Variants in SF1 observed in about 807,000 individuals in gnomAD.
The protein encoded by SF1 is branch point-binding protein.
In SF1, 7 loss-of-function variants were observed where a neutral mutation model predicts 62.5. The observed-to-expected ratio is 0.11, with a 90% CI of 0.06 to 0.21. The LOEUF (loss-of-function observed/expected upper bound fraction) is 0.21. Ranked by LOEUF, SF1 falls within the 10% of genes least tolerant of loss-of-function variation. The pLI, the probability that SF1 is intolerant of heterozygous loss-of-function variation, is 1.00. For missense variants in SF1, 578 were observed against 884.0 expected (o/e 0.65, Z 4.39); for synonymous variants, 394 against 323.6 (o/e 1.22, Z -2.33).
chr11:64,772,490 G>A (rs563527098), intron 3 of SF1: 11 of 984,818 alleles, frequency 1.1e-5, no homozygotes, highest in Non-Finnish European at 1.3e-5. Flanking sequence ...AGATGCATGA[G>A]TGAGTGACTT....
At chr11:64,767,521 C>T in intron 10 of SF1, 50 bp downstream of exon 10, 1 of 1,506,062 alleles carries the variant, frequency 6.6e-7, no homozygotes. Flanking sequence ...CTGACGTAAC[C>T]CCTTGCTTAT....
chr11:64,774,479 T>G (rs1478542724), intron 2 of SF1, among the ~76,000 whole-genome samples: 1 of 152,166 alleles, frequency 6.6e-6, no homozygotes, highest in African/African-American at 2.4e-5. Flanking sequence ...CTTCGCAGCA[T>G]CTGAGAATTT....
chr11:64,765,770 G>A lies in SF1; in HGVS notation c.*48C>T, dbSNP rs1215491090. 1.2e-5 allele frequency: 18 copies of A among 1,492,652 alleles called. No homozygotes were observed. In the Admixed American group the frequency reaches 1.2e-4, roughly 10 times the overall value. The allele number at this position is 1,492,652 out of a possible 1,614,324, so 92.5% of individuals were successfully genotyped here. On this transcript the variant is annotated 3_prime_UTR_variant, in exon 13 of 13. Transcript: ENST00000377390. ...ATGGTGAGGTTCGGCGTGTTTAAAC[G>A]AGACCAATTCTCTCTATATATAATA...
Position 64,767,151 on chromosome 11 carries a change from C to CA in SF1, c.1402+40dup, listed in dbSNP as rs778028482. ...ACTTGGGCCAGAACCCCCACTCACC[C>CA]AAGCCTAGGTGAAGACCCACAGCCA... On this transcript the variant is annotated intron_variant, in intron 11 of 12. Transcript: ENST00000377390. The CA allele has an allele frequency of 9.9e-6, 16 of 1,612,442 alleles. No individual in the cohort carries two copies. The East Asian group carries it at 3.3e-4, about 34-fold the overall frequency.
intron 2 of SF1, among the ~76,000 whole-genome samples, chr11:64,773,754 G>C (rs1333649458): frequency 6.6e-6 from 1 of 152,128 alleles, no homozygotes; most frequent in Admixed American, 6.6e-5. Flanking sequence ...AGAGGGGTTA[G>C]CAATAAAGAC....
At chr11:64,766,191 G>A (rs1305272557) in intron 12 of SF1, 36 bp from the exon 13 acceptor site, 4 of 1,578,606 alleles carry the variant, frequency 2.5e-6, no homozygotes, top group Admixed American at 1.7e-5. Context: ...CACACGCGCG[G>A]GGGCACACCG....
chr11:64,776,011 A>G lies in SF1; in HGVS notation c.160+487T>C, dbSNP rs1939165617. ...ATAAAAAGGGGTAAATTGTAAACACACTTTCAGAACCACTTTTTGTCATTT... is the reference window on the plus strand; with the variant it reads ...ATAAAAAGGGGTAAATTGTAAACACGCTTTCAGAACCACTTTTTGTCATTT... On this transcript the variant is annotated intron_variant, in intron 2 of 12. Transcript: ENST00000377390. 5 of 144,604 alleles carry G rather than the reference A, an allele frequency of 3.5e-5. No individual in the cohort carries two copies. The Admixed American group carries it at 3.6e-4, about 10-fold the overall frequency. The allele number at this position is 144,604 out of a possible 1,614,324, so 9.0% of individuals were successfully genotyped here.
intron 1 of SF1, among the ~76,000 whole-genome samples, chr11:64,776,992 T>C (rs1427154920): frequency 6.6e-6 from 1 of 152,152 alleles, no homozygotes; most frequent in African/African-American, 2.4e-5. Context: ...CACTGAAGAA[T>C]CATAGATTTG....
chr11:64,766,613 C>T (rs2058689663), intron 12 of SF1: 1 of 420,804 alleles, frequency 2.4e-6, no homozygotes, highest in Non-Finnish European at 4.2e-6. Flanking sequence ...TCCAGCCAGC[C>T]GCTCACTCAG....
At position 64,769,014 on chromosome 11, in the gene SF1, C is replaced by T. The variant is rs1234010380; in HGVS notation, c.887+8G>A. On this transcript the variant is annotated splice_region_variant and intron_variant, in intron 8 of 12. Coordinates refer to ENST00000377390, the MANE Select transcript of SF1 (RefSeq NM_004630.4). Reference sequence around the variant, plus strand: ...GCTACCAGGAAACCGCAAGAGCCAGCCCCTCACCTTTGGAATTTACAGTCT... The same window carrying T: ...GCTACCAGGAAACCGCAAGAGCCAGTCCCTCACCTTTGGAATTTACAGTCT... 4 of 1,596,866 alleles carry T rather than the reference C, an allele frequency of 2.5e-6. No homozygotes were observed. Among genetic ancestry groups the T allele is most frequent in the Non-Finnish European group, 3.4e-6 (4 of 1,164,290 alleles).
At chr11:64,773,908 A>C (rs1294036479) in intron 2 of SF1, among the ~76,000 whole-genome samples, 1 of 152,194 alleles carries the variant, frequency 6.6e-6, no homozygotes, top group African/African-American at 2.4e-5. Flanking sequence ...ACTTGAGGGC[A>C]AGAATTGAGT....
At chr11:64,777,965 G>T in intron 1 of SF1, 2 of 990,554 alleles carry the variant, frequency 2.0e-6, no homozygotes, top group Non-Finnish European at 2.4e-6. Flanking sequence ...GACGCCTCTC[G>T]CGCTCTCTCG....
chr11:64,765,584 A>G lies in SF1; in HGVS notation c.*234T>C. On this transcript the variant is annotated 3_prime_UTR_variant, in exon 13 of 13. Transcript: ENST00000377390. The stretch of plus-strand genomic sequence containing the variant: ...AGGAGAGAAAGAAGACAAAGAAGAC[A>G]CTCGATGCTACGGGGCGCCAGGAGA... The G allele has an allele frequency of 1.3e-6, 2 of 1,532,738 alleles. No individual in the cohort carries two copies. Among genetic ancestry groups the G allele is most frequent in the Admixed American group, 4.2e-5 (2 of 47,432 alleles). 94.9% of individuals were successfully genotyped at this position (1,532,738 alleles called of 1,614,324 possible). A position where few individuals can be genotyped will look rare whatever the true frequency, so the allele number is the denominator to read the frequency against.
intron 8 of SF1, among the ~76,000 whole-genome samples, chr11:64,768,538 C>T (rs1937735520): frequency 6.6e-6 from 1 of 152,318 alleles, no homozygotes; most frequent in East Asian, 1.9e-4. Context: ...CCCTGAGCAC[C>T]GATGAAGCAC....
intron 1 of SF1, chr11:64,777,408 G>T: frequency 1.4e-6 from 1 of 737,474 alleles, no homozygotes; most frequent in Non-Finnish European, 1.7e-6. Context: ...TAAACATACT[G>T]AACAGATTTA....
At position 64,765,129 on chromosome 11, in the gene SF1, T is replaced by C. The variant is rs989812195; in HGVS notation, c.*689A>G. The C allele has an allele frequency of 2.0e-5, 5 of 252,768 alleles. No individual in the cohort carries two copies. Among genetic ancestry groups the C allele is most frequent in the African/African-American group, 6.7e-5 (3 of 44,486 alleles). The allele number at this position is 252,768 out of a possible 1,614,324, so 15.7% of individuals were successfully genotyped here. A position where few individuals can be genotyped will look rare whatever the true frequency, so the allele number is the denominator to read the frequency against. ...CATCTTTGGGGGTGGCTATGGCACC[T>C]TGAAAAACCCACAACCAGCTTGACA... On this transcript the variant is annotated 3_prime_UTR_variant, in exon 13 of 13. Transcript: ENST00000377390.
intron 1 of SF1, chr11:64,777,892 C>T (rs1939612219): frequency 2.1e-6 from 2 of 939,910 alleles, no homozygotes; most frequent in South Asian, 9.6e-5. Context: ...ACGCGCGCCC[C>T]TGCCGCGTGC....
At chr11:64,766,482 C>G (rs1367485756) in intron 12 of SF1, 19 of 471,392 alleles carry the variant, frequency 4.0e-5, no homozygotes, top group African/African-American at 6.1e-5. Context: ...CATTCAACCT[C>G]AAGGCCACAG....
At chr11:64,770,225 T>C (rs2135927709) in intron 4 of SF1, 31 bp downstream of exon 4, 2 of 1,606,840 alleles carry the variant, frequency 1.2e-6, no homozygotes, top group East Asian at 4.5e-5. Context: ...GCATGTGTCT[T>C]CATCCCAGAT....
Sources: allele counts gnomAD v4.1 joint callset (sites outside exome capture counted in the v4.1 genomes callset), GRCh38; gene constraint gnomAD v4.1.1; transcripts MANE v1.5; gene names NCBI Gene and HGNC (gene_info 2026-07-23, HGNC 2026-07-21).